Variants in PDLIM5 observed in about 807,000 individuals in gnomAD.
PDLIM5 encodes PDZ and LIM domain 5, also known as PDZ and LIM domain protein 5.
In PDLIM5, 34 loss-of-function variants were observed where a neutral mutation model predicts 64.2. That is an observed-to-expected ratio of 0.53 (90% CI 0.40 to 0.71). PDLIM5 has a LOEUF of 0.71. Ranked by LOEUF, PDLIM5 falls within the 30% of genes least tolerant of loss-of-function variation. The pLI is 0.00. For missense variants in PDLIM5, 683 were observed against 733.6 expected, an observed-to-expected ratio of 0.93 and a Z score of 0.80; for synonymous variants, 253 against 269.1, an observed-to-expected ratio of 0.94 and a Z score of 0.59.
intron 2 of PDLIM5, among the ~76,000 whole-genome samples, chr4:94,496,399 G>C (rs550854849): frequency 2.0e-5 from 3 of 152,178 alleles, no homozygotes; most frequent in Non-Finnish European, 4.4e-5. Context: ...GCATTAGGTT[G>C]AATCATTTGG....
rs181930094 is a variant in PDLIM5 at position 94,572,126 on chromosome 4, G to A, written c.249-1225G>A. On this transcript the variant is annotated intron_variant, in intron 3 of 12. Coordinates refer to ENST00000317968, the MANE Select transcript of PDLIM5 (RefSeq NM_006457.5). ...TGCTAGTGTCTTCTGTTTGTGATCT[G>A]TTGTCTTTAAAGTAAAACAAGCTCA... 3.9e-3 allele frequency among the ~76,000 whole-genome samples: 599 copies of A among 152,156 alleles called. 1 individual carries two copies. The highest frequency in any genetic ancestry group is 7.1e-3 in the Non-Finnish European group (480 of 68,002).
intron 3 of PDLIM5, among the ~76,000 whole-genome samples, chr4:94,551,266 T>C (rs1270461549): frequency 6.6e-6 from 1 of 152,132 alleles, no homozygotes; most frequent in African/African-American, 2.4e-5. Flanking sequence ...ATTTAGCTTA[T>C]TGTATACCTG....
intron 2 of PDLIM5, among the ~76,000 whole-genome samples, chr4:94,494,824 C>G (rs1727228897): frequency 6.6e-6 from 1 of 152,014 alleles, no homozygotes; most frequent in African/African-American, 2.4e-5. Context: ...TCTCGGCTCA[C>G]TGCAATCTCC....
chr4:94,618,559 A>G (rs938445517), intron 8 of PDLIM5, among the ~76,000 whole-genome samples: 2 of 152,230 alleles, frequency 1.3e-5, no homozygotes, highest in Non-Finnish European at 2.9e-5. Context: ...AATAACAACC[A>G]CAGAAACATT....
At chr4:94,512,686 T>G (rs1392235796) in intron 2 of PDLIM5, among the ~76,000 whole-genome samples, 2 of 152,258 alleles carry the variant, frequency 1.3e-5, no homozygotes, top group African/African-American at 4.8e-5. Flanking sequence ...ATTCTGTGTT[T>G]TGTCTCTTTG....
intron 2 of PDLIM5, among the ~76,000 whole-genome samples, chr4:94,484,086 C>G (rs1179194619): frequency 6.6e-6 from 1 of 152,172 alleles, no homozygotes; most frequent in Non-Finnish European, 1.5e-5. Flanking sequence ...GTTTTACTAG[C>G]ACGCTGTTAG....
chr4:94,582,928 C>T (rs1015859799), intron 5 of PDLIM5: 3 of 521,472 alleles, frequency 5.8e-6, no homozygotes, highest in Non-Finnish European at 1.0e-5. Context: ...AACACCCACA[C>T]TTCTGTAATG....
intron 9 of PDLIM5, among the ~76,000 whole-genome samples, chr4:94,651,449 T>C (rs1741837158): frequency 6.6e-6 from 1 of 152,234 alleles, no homozygotes; most frequent in East Asian, 1.9e-4. Flanking sequence ...GTATTTATAG[T>C]GAACTATATT....
At chr4:94,632,665 C>T (rs1476525922) in intron 8 of PDLIM5, among the ~76,000 whole-genome samples, 1 of 152,096 alleles carries the variant, frequency 6.6e-6, no homozygotes, top group Non-Finnish European at 1.5e-5. Context: ...GTCAATTGAC[C>T]TTAAAAATGG....
At chr4:94,469,958 T>C (rs1724702174) in intron 2 of PDLIM5, among the ~76,000 whole-genome samples, 1 of 128,422 alleles carries the variant, frequency 7.8e-6, no homozygotes, top group Non-Finnish European at 1.6e-5. Flanking sequence ...TGCATTCTTT[T>C]AATTTTTTTT....
chr4:94,532,368 A>G (rs999903432), intron 3 of PDLIM5, among the ~76,000 whole-genome samples: 1 of 152,150 alleles, frequency 6.6e-6, no homozygotes, highest in African/African-American at 2.4e-5. Flanking sequence ...AGAAGAGAGA[A>G]GAAGAAAAGG....
At chr4:94,515,308 AT>A (rs1450165915) in intron 2 of PDLIM5, among the ~76,000 whole-genome samples, 3 of 152,192 alleles carry the variant, frequency 2.0e-5, no homozygotes, top group Admixed American at 6.5e-5. Flanking sequence ...GCCTTATTAA[AT>A]GTTAATGATT....
At chr4:94,606,581 G>A (rs1358682179) in intron 7 of PDLIM5, among the ~76,000 whole-genome samples, 3 of 152,226 alleles carry the variant, frequency 2.0e-5, no homozygotes, top group African/African-American at 4.8e-5. Flanking sequence ...ATGACATAAT[G>A]CTGAAGAACA....
intron 11 of PDLIM5, among the ~76,000 whole-genome samples, chr4:94,659,704 AT>A (rs1264319101): frequency 1.3e-5 from 2 of 151,054 alleles, no homozygotes; most frequent in African/African-American, 2.4e-5. Flanking sequence ...ATTTTTTTGT[AT>A]TTTTAGTAGA....
intron 2 of PDLIM5, among the ~76,000 whole-genome samples, chr4:94,501,256 T>C (rs1226336889): frequency 6.6e-6 from 1 of 151,246 alleles, no homozygotes; most frequent in Non-Finnish European, 1.5e-5. Flanking sequence ...TAATATTATT[T>C]TATTTTTTGT....
intron 2 of PDLIM5, among the ~76,000 whole-genome samples, chr4:94,519,012 G>A (rs932424633): frequency 1.2e-4 from 19 of 152,140 alleles, no homozygotes; most frequent in Non-Finnish European, 1.6e-4. Flanking sequence ...GTCCTGAGAA[G>A]TGACAAGAGG....
At chr4:94,571,713 A>G (rs1734819625) in intron 3 of PDLIM5, among the ~76,000 whole-genome samples, 1 of 152,214 alleles carries the variant, frequency 6.6e-6, no homozygotes, top group African/African-American at 2.4e-5. Flanking sequence ...AATCTATGAC[A>G]TTGTTAAAGT....
At chr4:94,543,899 A>ATC (rs938764446) in intron 3 of PDLIM5, among the ~76,000 whole-genome samples, 4 of 151,540 alleles carry the variant, frequency 2.6e-5, no homozygotes, top group African/African-American at 9.7e-5. Context: ...GAATACAGAT[A>ATC]TCTCTTCAGT....
intron 3 of PDLIM5, among the ~76,000 whole-genome samples, chr4:94,564,452 G>T (rs2110249814): frequency 6.6e-6 from 1 of 152,180 alleles, no homozygotes; most frequent in South Asian, 2.1e-4. Context: ...TATTTGGACT[G>T]CCAGGAATTC....
Sources: allele counts gnomAD v4.1 joint callset (sites outside exome capture counted in the v4.1 genomes callset), GRCh38; gene constraint gnomAD v4.1.1; transcripts MANE v1.5; gene names NCBI Gene and HGNC (gene_info 2026-07-23, HGNC 2026-07-21).